Variants in CLSTN1 observed in about 807,000 individuals in gnomAD.
CLSTN1 encodes calsyntenin 1, also known as calsyntenin-1.
CLSTN1 carries 28 observed loss-of-function variants against 108.3 expected under a neutral mutation model. That is an observed-to-expected ratio of 0.26 (90% CI 0.19 to 0.35). The LOEUF is 0.35. CLSTN1 is among the 10% of genes least tolerant of loss of function. The probability of loss-of-function intolerance (pLI) is 1.00; values close to 1 mark genes in which losing one functional copy is unlikely to be tolerated. For synonymous variants in CLSTN1, 524 were observed against 534.9 expected (o/e 0.98, Z 0.28); for missense variants, 1,157 against 1,302.6 (o/e 0.89, Z 1.72).
chr1:9,778,938 G>A (rs943756822), intron 1 of CLSTN1, among the ~76,000 whole-genome samples: 6 of 151,800 alleles, frequency 4.0e-5, no homozygotes, highest in African/African-American at 9.7e-5. Flanking sequence ...CAGGAGAATC[G>A]CTTGAACCCA....
At chr1:9,751,705 T>C (rs1449623366) in intron 4 of CLSTN1, 24 bp from the exon 5 acceptor site, 6 of 1,603,272 alleles carry the variant, frequency 3.7e-6, no homozygotes, top group African/African-American at 2.7e-5. Flanking sequence ...GGGAGAAAAA[T>C]ATTTTTCTGC....
intron 2 of CLSTN1, among the ~76,000 whole-genome samples, chr1:9,765,669 C>T (rs1652292334): frequency 6.6e-6 from 1 of 152,070 alleles, no homozygotes; most frequent in South Asian, 2.1e-4. Flanking sequence ...CACCTGAGGT[C>T]AGCAGTTTGC....
intron 9 of CLSTN1, among the ~76,000 whole-genome samples, chr1:9,743,614 C>T (rs1183991048): frequency 1.3e-5 from 2 of 152,100 alleles, no homozygotes; most frequent in Non-Finnish European, 2.9e-5. Context: ...GTGGCACAAT[C>T]GCAGCTCATT....
chr1:9,808,161 G>C (rs1324490923), intron 1 of CLSTN1, among the ~76,000 whole-genome samples: 1 of 152,170 alleles, frequency 6.6e-6, no homozygotes, highest in African/African-American at 2.4e-5. Flanking sequence ...GGTCCTGCAG[G>C]ACCCAAGTAT....
chr1:9,784,795 A>G (rs1212493004), intron 1 of CLSTN1, among the ~76,000 whole-genome samples: 2 of 152,174 alleles, frequency 1.3e-5, no homozygotes, highest in Non-Finnish European at 2.9e-5. Context: ...CTGCTAGTTA[A>G]TTTCCAAAGG....
intron 4 of CLSTN1, 92 bp from the exon 5 acceptor site, chr1:9,751,773 C>T: frequency 1.8e-6 from 2 of 1,125,030 alleles, no homozygotes; most frequent in Non-Finnish European, 2.6e-6. Flanking sequence ...CCAATTCTGC[C>T]CTACTTTAAA....
intron 1 of CLSTN1, among the ~76,000 whole-genome samples, chr1:9,776,210 C>T (rs576811158): frequency 1.3e-5 from 2 of 151,906 alleles, no homozygotes; most frequent in East Asian, 3.9e-4. Flanking sequence ...CCTCGTGTTC[C>T]GCCCACCTCG....
In CLSTN1 at chr1:9,800,120, GA is replaced by G. The variant is rs201666219; in HGVS notation, c.91+23522del. ...ACTTAAGCATTTAATACATATATTA[GA>G]AAAAAAGAAAGAGCTAAAATCAATC... is the stretch of plus-strand genomic sequence containing the variant. On this transcript the variant is annotated intron_variant, in intron 1 of 18. Coordinates refer to ENST00000377298, the MANE Select transcript of CLSTN1 (RefSeq NM_001009566.3). Among the ~76,000 whole-genome samples the G allele has an allele frequency of 9.1e-3, 1,386 of 151,860 alleles. 28 individuals carry two copies. Among genetic ancestry groups the G allele is most frequent in the African/African-American group, 0.032 (1,319 of 41,452 alleles).
Position 9,814,240 on chromosome 1 carries a change from T to C in CLSTN1, c.91+9403A>G, listed in dbSNP as rs1335915891. 2.3e-3 allele frequency among the ~76,000 whole-genome samples: 325 copies of C among 139,162 alleles called. 6 individuals carry two copies. The highest frequency in any genetic ancestry group is 4.6e-4 in the Non-Finnish European group (30 of 65,722). 91.3% of individuals were successfully genotyped at this position (139,162 alleles called of 152,430 possible). A position where few individuals can be genotyped will look rare whatever the true frequency, so the allele number is the denominator to read the frequency against. On this transcript the variant is annotated intron_variant, in intron 1 of 18. Coordinates refer to ENST00000377298, the MANE Select transcript of CLSTN1 (RefSeq NM_001009566.3). ...ATCTGGGCAATATGGTAAAACCCCA[T>C]CTCTACCAAAAAAAAAAAAAAAAAA...
intron 1 of CLSTN1, among the ~76,000 whole-genome samples, chr1:9,782,224 T>C (rs571586642): frequency 2.1e-4 from 32 of 152,320 alleles, no homozygotes; most frequent in Admixed American, 3.9e-4. Context: ...GTAATGACAA[T>C]GCTTAGGTTA....
chr1:9,756,669 C>T (rs1264165162), intron 2 of CLSTN1, among the ~76,000 whole-genome samples, 159 bp from the exon 3 acceptor site: 3 of 152,210 alleles, frequency 2.0e-5, no homozygotes, highest in Non-Finnish European at 4.4e-5. Flanking sequence ...TCTTCAGGAA[C>T]AAAATGTCAC....
At chr1:9,751,099 A>C (rs1651538074) in intron 5 of CLSTN1, among the ~76,000 whole-genome samples, 1 of 152,054 alleles carries the variant, frequency 6.6e-6, no homozygotes, top group East Asian at 1.9e-4. Context: ...CAAAAAACTT[A>C]ATGGAGAACA....
At chr1:9,739,034 T>C (rs796742778) in intron 10 of CLSTN1, among the ~76,000 whole-genome samples, 15 of 152,318 alleles carry the variant, frequency 9.8e-5, no homozygotes, top group African/African-American at 3.6e-4. Flanking sequence ...TTAATGATGA[T>C]GATACCTTGA....
At chr1:9,796,521 A>C (rs1262106885) in intron 1 of CLSTN1, among the ~76,000 whole-genome samples, 1 of 143,084 alleles carries the variant, frequency 7.0e-6, no homozygotes. Context: ...TAAACATACA[A>C]AAAAAAAAAA....
At chr1:9,803,923 C>T (rs1198722391) in intron 1 of CLSTN1, among the ~76,000 whole-genome samples, 2 of 152,182 alleles carry the variant, frequency 1.3e-5, no homozygotes, top group Admixed American at 1.3e-4. Flanking sequence ...TTTTCAACTA[C>T]TGAACTTTTG....
chr1:9,746,010 C>G (rs1651251163), intron 7 of CLSTN1, among the ~76,000 whole-genome samples: 1 of 152,012 alleles, frequency 6.6e-6, no homozygotes, highest in Admixed American at 6.6e-5. Context: ...TCAAGCGATC[C>G]ATCTGCCTCA....
At chr1:9,805,057 T>C (rs926847796) in intron 1 of CLSTN1, among the ~76,000 whole-genome samples, 1 of 150,544 alleles carries the variant, frequency 6.6e-6, no homozygotes, top group African/African-American at 2.5e-5. Flanking sequence ...GAAGCAGAGG[T>C]TGCAGTGAGC....
At position 9,773,863 on chromosome 1, in the gene CLSTN1, G is replaced by A. The variant is rs143844467; in HGVS notation, c.92-469C>T. ...ATCCTCCCACTCAGCCTCCCAGGTAGCTGGGACTATGTGTGTGCACCACCA... is the reference window on the plus strand; with the variant it reads ...ATCCTCCCACTCAGCCTCCCAGGTAACTGGGACTATGTGTGTGCACCACCA... On this transcript the variant is annotated intron_variant, in intron 1 of 18. Coordinates refer to ENST00000377298, the MANE Select transcript of CLSTN1 (RefSeq NM_001009566.3). Among the ~76,000 whole-genome samples, 748 of 151,962 alleles carry A rather than the reference G, an allele frequency of 4.9e-3. 5 individuals are homozygous for A. Among genetic ancestry groups the A allele is most frequent in the African/African-American group, 0.017 (701 of 41,446 alleles).
chr1:9,765,725 C>G (rs951312451), intron 2 of CLSTN1, among the ~76,000 whole-genome samples: 1 of 150,914 alleles, frequency 6.6e-6, no homozygotes, highest in East Asian at 2.0e-4. Context: ...ACTAAAAATA[C>G]AAAAATTAGC....
Sources: gnomAD v4.1 joint callset for allele counts (sites outside exome capture counted in the v4.1 genomes callset) on GRCh38, gnomAD v4.1.1 for gene constraint, MANE v1.5 for transcripts, NCBI Gene and HGNC (gene_info 2026-07-23, HGNC 2026-07-21) for gene names.